The following RHBDD1 variants were observed in gnomAD, a reference collection of about 807,000 sequenced individuals.
RHBDD1 encodes the protein rhomboid domain containing 1, also known as rhomboid-related protein 4.
RHBDD1 carries 38 observed loss-of-function variants against 36.3 expected under a neutral mutation model. That is an observed-to-expected ratio of 1.05 (90% CI 0.81 to 1.37). The LOEUF (loss-of-function observed/expected upper bound fraction) is 1.37. Among genes scored for constraint, RHBDD1 ranks in the 40% most tolerant of loss-of-function variants. RHBDD1 has a pLI of 0.00. For synonymous variants in RHBDD1, 151 were observed against 136.5 expected, an observed-to-expected ratio of 1.11 and a Z score of -0.74; for missense variants, 393 against 377.6, an observed-to-expected ratio of 1.04 and a Z score of -0.34.
chr2:226,940,374 T>G (rs1357932466), intron 8 of RHBDD1, among the ~76,000 whole-genome samples: 1 of 152,228 alleles, frequency 6.6e-6, no homozygotes, highest in Admixed American at 6.5e-5. Context: ...TCTGTAACAT[T>G]TTAAAAGGCT....
intron 5 of RHBDD1, among the ~76,000 whole-genome samples, chr2:226,885,154 T>C (rs965275832): frequency 6.6e-6 from 1 of 152,144 alleles, no homozygotes; most frequent in Non-Finnish European, 1.5e-5. Flanking sequence ...AGTTAAATAA[T>C]GGAAAATTAA....
chr2:226,919,440 G>A (rs1197448960), intron 8 of RHBDD1, among the ~76,000 whole-genome samples: 1 of 151,994 alleles, frequency 6.6e-6, no homozygotes, highest in Non-Finnish European at 1.5e-5. Flanking sequence ...TCTTTTAGTA[G>A]ACTCATAGTT....
At chr2:226,824,662 T>C in the RHBDD1 span, among the ~76,000 whole-genome samples, 2 of 152,236 alleles carry the variant, frequency 1.3e-5, no homozygotes, top group Non-Finnish European at 1.5e-5. Context: ...ATCTTAGCAA[T>C]ACTTCTACAA....
chr2:226,838,409 T>C (rs4675103), intron 2 of RHBDD1, among the ~76,000 whole-genome samples: 28,259 of 152,124 alleles, frequency 0.19, 4,262 homozygotes, highest in African/African-American at 0.42. Context: ...TCTGTGGTTT[T>C]AGGTCAGACA....
intron 8 of RHBDD1, among the ~76,000 whole-genome samples, chr2:226,940,266 T>C (rs1950581550): frequency 6.6e-6 from 1 of 152,132 alleles, no homozygotes; most frequent in Admixed American, 6.6e-5. Flanking sequence ...ATGATGAAGA[T>C]GCCAAAAGCA....
intron 8 of RHBDD1, among the ~76,000 whole-genome samples, chr2:226,931,558 G>A (rs1950033433): frequency 6.6e-6 from 1 of 151,868 alleles, no homozygotes; most frequent in Non-Finnish European, 1.5e-5. Flanking sequence ...ACACTACTTG[G>A]GTGATGAGTG....
chr2:226,828,201 T>G, the RHBDD1 span, among the ~76,000 whole-genome samples: 1 of 152,230 alleles, frequency 6.6e-6, no homozygotes, highest in Non-Finnish European at 1.5e-5. Flanking sequence ...ACATTTCATG[T>G]AAATGGAATC....
intron 8 of RHBDD1, among the ~76,000 whole-genome samples, chr2:226,971,909 C>T (rs1481769257): frequency 6.8e-6 from 1 of 146,406 alleles, no homozygotes; most frequent in African/African-American, 2.5e-5. Context: ...CAAAAGCCCA[C>T]TTTTTTTTTT....
intron 3 of RHBDD1, among the ~76,000 whole-genome samples, chr2:226,841,392 A>G (rs1941618555): frequency 6.6e-6 from 1 of 152,112 alleles, no homozygotes; most frequent in African/African-American, 2.4e-5. Context: ...GGTTTGCTGC[A>G]CAGATCATCC....
Position 226,867,172 on chromosome 2 carries a change from TC to T in RHBDD1, c.434-13del. On this transcript the variant is annotated splice_polypyrimidine_tract_variant and intron_variant, in intron 4 of 8. Transcript: ENST00000392062. Reference sequence around the variant, plus strand: ...TGGATTGTTGATATTTGCATGTTCTTCATTCTCTTTTAGGAGTTTTGTTTGC... The same window carrying T: ...TGGATTGTTGATATTTGCATGTTCTTATTCTCTTTTAGGAGTTTTGTTTGC... 6.3e-7 allele frequency: 1 copy of T among 1,590,500 alleles called. No individual in the cohort carries two copies. The highest frequency in any genetic ancestry group is 8.5e-7 in the Non-Finnish European group (1 of 1,172,212).
chr2:226,930,682 AT>A (rs1435164447), intron 8 of RHBDD1, among the ~76,000 whole-genome samples: 1 of 152,034 alleles, frequency 6.6e-6, no homozygotes, highest in East Asian at 1.9e-4. Flanking sequence ...AAAAGAAATA[AT>A]TATCAGAGTA....
At chr2:226,842,769 G>T (rs952796903) in intron 3 of RHBDD1, among the ~76,000 whole-genome samples, 1 of 152,108 alleles carries the variant, frequency 6.6e-6, no homozygotes, top group East Asian at 1.9e-4. Context: ...GGCTACTTGG[G>T]CTCTTTTTGA....
chr2:226,938,447 C>T (rs1015426451), intron 8 of RHBDD1, among the ~76,000 whole-genome samples: 3 of 152,008 alleles, frequency 2.0e-5, no homozygotes, highest in Non-Finnish European at 4.4e-5. Flanking sequence ...GGGATATTGC[C>T]ACTGACCCCA....
intron 3 of RHBDD1, among the ~76,000 whole-genome samples, chr2:226,859,256 G>A (rs543707720): frequency 1.3e-5 from 2 of 152,270 alleles, no homozygotes; most frequent in South Asian, 2.1e-4. Flanking sequence ...GGCGGGAGTG[G>A]GGTGGGAAAT....
rs73085871 is a variant in RHBDD1 at position 226,927,207 on chromosome 2, G to A, written c.856+12856G>A. Reference sequence around the variant, plus strand: ...TATAAATGAAATCACACAGTATTTAGCTTTGAGAGGTCGTACTTCTTTCCC... The same window carrying A: ...TATAAATGAAATCACACAGTATTTAACTTTGAGAGGTCGTACTTCTTTCCC... On this transcript the variant is annotated intron_variant, in intron 8 of 8. Coordinates refer to ENST00000392062, the MANE Select transcript of RHBDD1 (RefSeq NM_001167608.3). 6.5e-3 allele frequency among the ~76,000 whole-genome samples: 984 copies of A among 152,202 alleles called. 17 individuals carry two copies. Among genetic ancestry groups the A allele is most frequent in the African/African-American group, 0.022 (928 of 41,536 alleles).
intron 3 of RHBDD1, among the ~76,000 whole-genome samples, chr2:226,841,287 C>A (rs1941607430): frequency 6.6e-6 from 1 of 152,036 alleles, no homozygotes; most frequent in Admixed American, 6.6e-5. Flanking sequence ...CATGTGCCAC[C>A]ACACCCAGCT....
intron 8 of RHBDD1, among the ~76,000 whole-genome samples, chr2:226,930,939 A>T (rs1040669441): frequency 1.3e-5 from 2 of 152,118 alleles, no homozygotes; most frequent in African/African-American, 4.8e-5. Flanking sequence ...ACAATATGAG[A>T]TACTACCTTA....
At chr2:226,875,360 A>G (rs772431181) in intron 5 of RHBDD1, among the ~76,000 whole-genome samples, 10 of 152,184 alleles carry the variant, frequency 6.6e-5, no homozygotes, top group Admixed American at 1.3e-4. Flanking sequence ...ATCTCACTCA[A>G]ATGTAAGGAG....
intron 8 of RHBDD1, among the ~76,000 whole-genome samples, chr2:226,945,645 T>A (rs917393146): frequency 6.6e-6 from 1 of 152,068 alleles, no homozygotes. Context: ...TATAGTAGAA[T>A]GATTTATAAT....
Sources: allele counts gnomAD v4.1 joint callset (sites outside exome capture counted in the v4.1 genomes callset), GRCh38; gene constraint gnomAD v4.1.1; transcripts MANE v1.5; gene names NCBI Gene and HGNC (gene_info 2026-07-23, HGNC 2026-07-21).